Variants in CRACDL observed in about 807,000 individuals in gnomAD.
CRACDL encodes CRACD-like protein.
In CRACDL, 26 loss-of-function variants were observed where a neutral mutation model predicts 70.6. That is an observed-to-expected ratio of 0.37 (90% CI 0.27 to 0.51). CRACDL has a LOEUF of 0.51. Ranked by LOEUF, CRACDL falls within the 20% of genes least tolerant of loss-of-function variation. The pLI, the probability that CRACDL is intolerant of heterozygous loss-of-function variation, is 0.94. For synonymous variants in CRACDL, 618 were observed against 615.2 expected (o/e 1.00, Z -0.07); for missense variants, 1,283 against 1,376.9 (o/e 0.93, Z 1.08).
At chr2:98,866,256 T>C (rs996076783) in intron 1 of CRACDL, among the ~76,000 whole-genome samples, 1 of 152,186 alleles carries the variant, frequency 6.6e-6, no homozygotes, top group African/African-American at 2.4e-5. Flanking sequence ...TTGTCTGATG[T>C]TTAAAAACTA....
chr2:98,806,010 C>T (rs2871243), intron 7 of CRACDL, among the ~76,000 whole-genome samples: 3,133 of 152,352 alleles, frequency 0.021, 63 homozygotes, highest in East Asian at 0.093. Context: ...CCAGAGGGGC[C>T]GTCTTCCCCG....
Position 98,832,908 on chromosome 2 carries a change from C to T in CRACDL, c.329G>A (p.Arg110Gln), listed in dbSNP as rs187055314. The change falls in exon 4 of 10, where the codon CGG becomes CAG. Residue 110 changes from arginine (R) to glutamine (Q), a missense_variant. Physicochemically the swap from Arg to Gln is conservative, Grantham distance 43. Around this residue, in one of 2 missense-constraint regions of CRACDL, gnomAD observed 362 missense variants for 495.0 expected, o/e 0.73. Transcript: ENST00000397899. ...ESGQDATRPV[R>Q]VFSQENVCDR... is the part of the protein sequence containing the mutation. ...ACACACATTTTCTTGGGAAAACACCCGCACAGGCCGAGTAGCGTCCTGTCC... is the reference window on the plus strand; with the variant it reads ...ACACACATTTTCTTGGGAAAACACCTGCACAGGCCGAGTAGCGTCCTGTCC... 3.1e-6 allele frequency: 5 copies of T among 1,614,196 alleles called. No individual in the cohort carries two copies. Among genetic ancestry groups the T allele is most frequent in the Non-Finnish European group, 2.5e-6 (3 of 1,180,010 alleles).
chr2:98,818,077 T>C (rs1400561761), intron 7 of CRACDL, among the ~76,000 whole-genome samples: 1 of 152,228 alleles, frequency 6.6e-6, no homozygotes, highest in Non-Finnish European at 1.5e-5. Flanking sequence ...CTTTATGACC[T>C]GTAATTTAGA....
chr2:98,930,105 G>C (rs1319044276), intron 1 of CRACDL, among the ~76,000 whole-genome samples: 1 of 152,072 alleles, frequency 6.6e-6, no homozygotes, highest in Non-Finnish European at 1.5e-5. Flanking sequence ...AGACGTGGCA[G>C]GGCAGAACCA....
At chr2:98,919,626 G>C (rs879653641) in intron 1 of CRACDL, among the ~76,000 whole-genome samples, 2 of 152,132 alleles carry the variant, frequency 1.3e-5, no homozygotes. Flanking sequence ...TGAGCAAGGG[G>C]CTTGATGGTT....
chr2:98,821,878 T>TTTTC lies in CRACDL; in HGVS notation c.2391_2394dup (p.Arg799GlufsTer9). 1 of 1,605,250 alleles carries TTTTC rather than the reference T, an allele frequency of 6.2e-7. No homozygotes were observed. The highest frequency in any genetic ancestry group is 8.5e-7 in the Non-Finnish European group (1 of 1,178,104). On this transcript the variant is annotated frameshift_variant, in exon 7 of 10. Coordinates refer to ENST00000397899, the MANE Select transcript of CRACDL (RefSeq NM_207362.3). LOFTEE classifies it high-confidence loss of function. ...TTACCAGCTCCCCTGCGCAGCGGCC[T>TTTTC]TTTCTCCGCCGTCCTGGGCTCCTTC...
intron 1 of CRACDL, among the ~76,000 whole-genome samples, chr2:98,927,782 C>G (rs1224556980): frequency 1.3e-5 from 2 of 152,138 alleles, no homozygotes. Context: ...TGGAACCTAT[C>G]CCTACAATGG....
At chr2:98,889,597 T>C (rs1707909193) in intron 1 of CRACDL, among the ~76,000 whole-genome samples, 1 of 152,098 alleles carries the variant, frequency 6.6e-6, no homozygotes, top group Admixed American at 6.6e-5. Flanking sequence ...CAATAATTCA[T>C]AGAAAAATTA....
At chr2:98,847,902 C>T (rs1706326640) in intron 1 of CRACDL, among the ~76,000 whole-genome samples, 2 of 152,144 alleles carry the variant, frequency 1.3e-5, no homozygotes, top group Admixed American at 6.6e-5. Flanking sequence ...GGTGTGTGCC[C>T]GAGTTGGCTC....
chr2:98,854,279 C>CA (rs1229198569), intron 1 of CRACDL, among the ~76,000 whole-genome samples: 8,018 of 53,782 alleles, frequency 0.15, 612 homozygotes, highest in Middle Eastern at 0.22. Flanking sequence ...GACTCTGTCT[C>CA]AAAAAAAAAA....
intron 5 of CRACDL, among the ~76,000 whole-genome samples, chr2:98,829,832 A>C (rs1246455914): frequency 2.0e-5 from 3 of 152,148 alleles, no homozygotes; most frequent in Non-Finnish European, 4.4e-5. Context: ...GACAGGAAGC[A>C]GGGGGGCCTG....
At chr2:98,853,745 G>C (rs958411472) in intron 1 of CRACDL, among the ~76,000 whole-genome samples, 2 of 152,178 alleles carry the variant, frequency 1.3e-5, no homozygotes, top group African/African-American at 4.8e-5. Flanking sequence ...GGTAGGAGTT[G>C]TATGTATGAC....
intron 1 of CRACDL, among the ~76,000 whole-genome samples, chr2:98,852,747 T>C (rs894277037): frequency 1.3e-5 from 2 of 151,816 alleles, no homozygotes; most frequent in Non-Finnish European, 2.9e-5. Context: ...ATCAATCAAA[T>C]TGAAGAGAGA....
intron 1 of CRACDL, among the ~76,000 whole-genome samples, chr2:98,911,498 C>T (rs567435950): frequency 5.9e-5 from 9 of 152,208 alleles, no homozygotes; most frequent in Non-Finnish European, 1.3e-4. Flanking sequence ...TTTCCCACTT[C>T]GTGTGCCAGG....
chr2:98,903,000 A>G lies in CRACDL; in HGVS notation c.-11+32938T>C, dbSNP rs551345886. 1.3e-4 allele frequency among the ~76,000 whole-genome samples: 19 copies of G among 151,762 alleles called. No homozygotes were observed. The South Asian group carries it at 1.7e-3, about 13-fold the overall frequency. On this transcript the variant is annotated intron_variant, in intron 1 of 9. Transcript: ENST00000397899. ...GAAAACACCCTTCCCCTTGGGGTGC[A>G]CCCCCAGGGCCGCGCTAGCACACTC...
chr2:98,795,054 T>A lies in CRACDL; in HGVS notation c.2750-383A>T, dbSNP rs1400201117. Among the ~76,000 whole-genome samples the A allele has an allele frequency of 3.3e-4, 12 of 35,868 alleles. 1 individual carries two copies. The highest frequency in any genetic ancestry group is 3.0e-3 in the South Asian group (2 of 658). 23.5% of individuals were successfully genotyped at this position (35,868 alleles called of 152,430 possible). A position where few individuals can be genotyped will look rare whatever the true frequency, so the allele number is the denominator to read the frequency against. On this transcript the variant is annotated intron_variant, in intron 9 of 9. Coordinates refer to ENST00000397899, the MANE Select transcript of CRACDL (RefSeq NM_207362.3). Reference sequence around the variant, plus strand: ...CCATAATTAAAAATATATATATATATATATATATATATATATATATATATT... The same window carrying A: ...CCATAATTAAAAATATATATATATAAATATATATATATATATATATATATT...
chr2:98,838,237 T>C lies in CRACDL; in HGVS notation c.121A>G (p.Lys41Glu). Reference protein sequence around the residue: ...KTFKKFFGKKKRKESPSSTGS... With the variant: ...KTFKKFFGKKERKESPSSTGS... ...GTGGACGACGGCGATTCTTTTCTCT[T>C]CTTCTTCCCAAAAAACTTCTTAAAA... The change falls in exon 3 of 10, where the codon AAG becomes GAG. Residue 41 changes from lysine (K) to glutamate (E), a missense_variant. Around this residue, in one of 2 missense-constraint regions of CRACDL, gnomAD observed 362 missense variants for 495.0 expected, o/e 0.73. Coordinates refer to ENST00000397899, the MANE Select transcript of CRACDL (RefSeq NM_207362.3). The C allele has an allele frequency of 6.2e-7, 1 of 1,613,208 alleles. No homozygotes were observed. Among genetic ancestry groups the C allele is most frequent in the Non-Finnish European group, 8.5e-7 (1 of 1,179,364 alleles).
In CRACDL at chr2:98,822,592, C is replaced by G; in HGVS notation, c.1681G>C (p.Ala561Pro). Residue 561 changes from alanine (A) to proline (P), a missense_variant, in exon 7 of 10, where the codon GCG becomes CCG. Coordinates refer to ENST00000397899, the MANE Select transcript of CRACDL (RefSeq NM_207362.3). This position sits in a 1 kb window ranked among gnomAD's most constrained non-coding sequence, Gnocchi z 4.9. The stretch of plus-strand genomic sequence containing the variant: ...CGCAGCTCGGCACCGCCCCTCTCCG[C>G]CTTCCGCTCTGGCGCCGCCCTCTCG... ...GAERAAPERK[A>P]ERGGAELRGA... 7.0e-7 allele frequency: 1 copy of G among 1,435,440 alleles called. No homozygotes were observed. Among genetic ancestry groups the G allele is most frequent in the South Asian group, 1.4e-5 (1 of 72,222 alleles). The allele number at this position is 1,435,440 out of a possible 1,614,324, so 88.9% of individuals were successfully genotyped here.
intron 1 of CRACDL, among the ~76,000 whole-genome samples, chr2:98,868,112 T>C (rs578124626): frequency 1.3e-5 from 2 of 152,326 alleles, no homozygotes; most frequent in African/African-American, 4.8e-5. Context: ...GTAACAATGA[T>C]GATGACTTAT....
Sources: gnomAD v4.1 joint callset for allele counts (sites outside exome capture counted in the v4.1 genomes callset) on GRCh38, gnomAD v4.1.1 for gene constraint, gnomAD v4.1.1 regional missense constraint, Gnocchi (gnomAD v3.1) non-coding constraint, MANE v1.5 for transcripts, NCBI Gene and HGNC (gene_info 2026-07-23, HGNC 2026-07-21) for gene names.